NRG1: variants seen among roughly 807,000 people sequenced by gnomAD.
NRG1 encodes the protein neuregulin 1.
NRG1 carries 18 observed loss-of-function variants against 63.8 expected under a neutral mutation model. That is an observed-to-expected ratio of 0.28 (90% CI 0.19 to 0.42). The LOEUF (loss-of-function observed/expected upper bound fraction) is 0.42. Among genes scored for constraint, NRG1 ranks in the 10% least tolerant of loss-of-function variants. NRG1 has a pLI of 1.00. For missense variants in NRG1, 762 were observed against 814.7 expected (o/e 0.94, Z 0.79); for synonymous variants, 302 against 301.3 (o/e 1.00, Z -0.02).
chr8:32,261,122 C>A (rs1367711488), intron 1 of NRG1, among the ~76,000 whole-genome samples: 1 of 152,088 alleles, frequency 6.6e-6, no homozygotes, highest in Non-Finnish European at 1.5e-5. Flanking sequence ...TCCTGTATAC[C>A]TGTCTTCTAG....
chr8:32,300,095 C>T (rs1411970844), intron 1 of NRG1, among the ~76,000 whole-genome samples: 1 of 152,100 alleles, frequency 6.6e-6, no homozygotes, highest in African/African-American at 2.4e-5. Context: ...TCATTGTTCT[C>T]CCCCACACCT....
chr8:32,578,658 T>C (rs1429610096), intron 1 of NRG1, among the ~76,000 whole-genome samples: 2 of 152,178 alleles, frequency 1.3e-5, no homozygotes, highest in Non-Finnish European at 2.9e-5. Flanking sequence ...AGGTTCTTAA[T>C]TGTGATGTCT....
chr8:32,548,827 G>C lies in NRG1; in HGVS notation c.100+1G>C. The C allele has an allele frequency of 6.4e-7, 1 of 1,562,830 alleles. No individual in the cohort carries two copies. ...TCCGCGGCGGGCAGCCAGAGCCCAG[G>C]TGGGTGCGCAGCGCGGCCCGGGCCC... On this transcript the variant is annotated splice_donor_variant, in intron 1 of 11. Transcript: ENST00000356819. LOFTEE classifies it high-confidence loss of function.
chr8:32,682,438 T>A (rs1436381965), intron 5 of NRG1, among the ~76,000 whole-genome samples: 1 of 152,172 alleles, frequency 6.6e-6, no homozygotes, highest in East Asian at 1.9e-4. Context: ...CTTAAATATG[T>A]AGTAAATTCA....
Position 31,640,762 on chromosome 8 carries a change from C to G in NRG1, c.37+1331C>G. Reference sequence around the variant, plus strand: ...CCTCGCCCTTGGGGGCGCGAACCCGCGGCGAGGAGGGCGCATCCCGGGCGC... The same window carrying G: ...CCTCGCCCTTGGGGGCGCGAACCCGGGGCGAGGAGGGCGCATCCCGGGCGC... On this transcript the variant is annotated intron_variant, in intron 1 of 10. Transcript: ENST00000519301. This position sits in a 1 kb window ranked among gnomAD's most constrained non-coding sequence, Gnocchi z 6.3. 1 of 1,469,450 alleles carries G rather than the reference C, an allele frequency of 6.8e-7. No individual in the cohort carries two copies. Among genetic ancestry groups the G allele is most frequent in the Non-Finnish European group, 9.0e-7 (1 of 1,108,012 alleles). The allele number at this position is 1,469,450 out of a possible 1,614,324, so 91.0% of individuals were successfully genotyped here.
At chr8:32,547,775 A>C (rs1049836230), upstream of NRG1, among the ~76,000 whole-genome samples, 1 of 152,050 alleles carries the variant, frequency 6.6e-6, no homozygotes, top group East Asian at 1.9e-4. Context: ...TTTTGTACTT[A>C]AGTGAGTTAA....
At chr8:31,668,771 A>G (rs1246631767) in intron 1 of NRG1, among the ~76,000 whole-genome samples, 1 of 152,214 alleles carries the variant, frequency 6.6e-6, no homozygotes, top group African/African-American at 2.4e-5. Context: ...GGCATAATGT[A>G]CAGCATATAG....
At chr8:32,587,715 G>T (rs1374920188) in intron 1 of NRG1, among the ~76,000 whole-genome samples, 2 of 152,138 alleles carry the variant, frequency 1.3e-5, no homozygotes, top group Non-Finnish European at 2.9e-5. Flanking sequence ...CTGAGATCCT[G>T]TATATCTTCC....
intron 1 of NRG1, among the ~76,000 whole-genome samples, chr8:31,678,742 ATTTAT>A (rs907252190): frequency 6.1e-5 from 9 of 148,088 alleles, no homozygotes; most frequent in African/African-American, 1.7e-4. Flanking sequence ...ATATTATTAA[ATTTAT>A]TTTAAGTTAA....
chr8:32,019,129 C>T (rs1460175852), intron 1 of NRG1, among the ~76,000 whole-genome samples: 1 of 152,126 alleles, frequency 6.6e-6, no homozygotes, highest in African/African-American at 2.4e-5. Flanking sequence ...GACGGAGTCT[C>T]ACTCTATAAC....
intron 1 of NRG1, among the ~76,000 whole-genome samples, chr8:32,228,069 G>C: frequency 6.6e-6 from 1 of 152,138 alleles, no homozygotes; most frequent in East Asian, 1.9e-4. Context: ...TTTGGTGGAA[G>C]CTTTTTGTTT....
intron 1 of NRG1, among the ~76,000 whole-genome samples, chr8:32,345,030 T>C (rs1804704627): frequency 6.6e-6 from 1 of 152,180 alleles, no homozygotes; most frequent in Admixed American, 6.5e-5. Context: ...ATGCGTTTCA[T>C]TGACCAGACC....
At chr8:32,489,608 C>T (rs1826308683) in intron 1 of NRG1, among the ~76,000 whole-genome samples, 1 of 152,006 alleles carries the variant, frequency 6.6e-6, no homozygotes, top group Non-Finnish European at 1.5e-5. Flanking sequence ...TGGTGAAGGA[C>T]CCAGAGTTTG....
At chr8:31,956,815 A>T (rs1206248616) in intron 1 of NRG1, among the ~76,000 whole-genome samples, 1 of 152,244 alleles carries the variant, frequency 6.6e-6, no homozygotes, top group Admixed American at 6.5e-5. Flanking sequence ...CATCTGGCTC[A>T]TGACTTTCCA....
rs1038247165 is a variant in NRG1 at position 31,640,587 on chromosome 8, G to A, written c.37+1156G>A. 1 of 1,612,226 alleles carries A rather than the reference G, an allele frequency of 6.2e-7. No homozygotes were observed. The highest frequency in any genetic ancestry group is 1.7e-5 in the Admixed American group (1 of 60,018). ...TCCCCTCCTGCGGGAGGCTCAAGGAGGACAGCAGGTACATCTTCTTCATGG... is the reference window on the plus strand; with the variant it reads ...TCCCCTCCTGCGGGAGGCTCAAGGAAGACAGCAGGTACATCTTCTTCATGG... On this transcript the variant is annotated intron_variant, in intron 1 of 10. Coordinates refer to the NRG1 transcript ENST00000519301. This position sits in a 1 kb window ranked among gnomAD's most constrained non-coding sequence, Gnocchi z 6.3.
intron 1 of NRG1, among the ~76,000 whole-genome samples, chr8:32,067,785 C>T (rs190036406): frequency 2.2e-4 from 33 of 152,126 alleles, no homozygotes; most frequent in African/African-American, 6.7e-4. Flanking sequence ...TATCCATACA[C>T]GATTACTAAG....
intron 1 of NRG1, among the ~76,000 whole-genome samples, chr8:31,862,965 T>G (rs1381169032): frequency 6.6e-6 from 1 of 152,204 alleles, no homozygotes; most frequent in Non-Finnish European, 1.5e-5. Context: ...CCTTTGATTC[T>G]TTCTATGAAT....
intron 1 of NRG1, among the ~76,000 whole-genome samples, chr8:31,750,596 T>A (rs1816354963): frequency 6.6e-6 from 1 of 151,972 alleles, no homozygotes; most frequent in African/African-American, 2.4e-5. Context: ...TTCTGATGCA[T>A]CTGTCACCTG....
intron 1 of NRG1, among the ~76,000 whole-genome samples, chr8:31,967,100 T>C (rs1409858009): frequency 6.6e-6 from 1 of 152,094 alleles, no homozygotes; most frequent in Non-Finnish European, 1.5e-5. Flanking sequence ...TGGGAGTGTA[T>C]TGAAAAACCA....
Sources: gnomAD v4.1 joint callset for allele counts (sites outside exome capture counted in the v4.1 genomes callset) on GRCh38, gnomAD v4.1.1 for gene constraint, Gnocchi (gnomAD v3.1) non-coding constraint, MANE v1.5 for transcripts, NCBI Gene and HGNC (gene_info 2026-07-23, HGNC 2026-07-21) for gene names.